MGAT4C: variants seen among roughly 807,000 people sequenced by gnomAD.
The protein encoded by MGAT4C is alpha-1,3-mannosyl-glycoprotein 4-beta-N-acetylglucosaminyltransferase C.
Under a neutral mutation model 40.1 loss-of-function variants are expected in MGAT4C, and 19 were observed. The ratio of observed to expected loss-of-function variants is 0.47; its 90% CI spans 0.33 to 0.70. MGAT4C has a LOEUF of 0.70. Ranked by LOEUF, MGAT4C falls within the 30% of genes least tolerant of loss-of-function variation. The pLI, the probability that MGAT4C is intolerant of heterozygous loss-of-function variation, is 0.02. For synonymous variants in MGAT4C, 181 were observed against 187.1 expected (o/e 0.97, Z 0.27); for missense variants, 491 against 563.2 (o/e 0.87, Z 1.30).
intron 2 of MGAT4C, among the ~76,000 whole-genome samples, chr12:86,545,458 C>G (rs1264388534): frequency 6.6e-6 from 1 of 151,636 alleles, no homozygotes; most frequent in East Asian, 1.9e-4. Flanking sequence ...TTTACATAAC[C>G]ACAGGCTATG....
intron 2 of MGAT4C, among the ~76,000 whole-genome samples, chr12:86,706,567 T>C (rs868162380): frequency 4.6e-5 from 7 of 152,068 alleles, no homozygotes; most frequent in Middle Eastern, 3.2e-3. Flanking sequence ...CTTATACTAG[T>C]TTTTATAATA....
chr12:86,063,936 C>T (rs1287692232), intron 1 of MGAT4C, among the ~76,000 whole-genome samples: 1 of 152,126 alleles, frequency 6.6e-6, no homozygotes, highest in African/African-American at 2.4e-5. Flanking sequence ...CTTAGACTCC[C>T]ACACAATAAT....
chr12:86,360,295 C>T (rs1435814413), intron 3 of MGAT4C, among the ~76,000 whole-genome samples: 1 of 152,188 alleles, frequency 6.6e-6, no homozygotes, highest in Admixed American at 6.5e-5. Flanking sequence ...GCACTTCATG[C>T]TAAAAACTCT....
intron 1 of MGAT4C, among the ~76,000 whole-genome samples, chr12:86,189,499 T>C (rs1209302721): frequency 6.6e-6 from 1 of 151,946 alleles, no homozygotes; most frequent in Non-Finnish European, 1.5e-5. Context: ...GGAAATTGAA[T>C]GACACTGAAG....
chr12:86,816,902 T>C (rs1469394582), intron 1 of MGAT4C, among the ~76,000 whole-genome samples: 1 of 151,390 alleles, frequency 6.6e-6, no homozygotes, highest in Non-Finnish European at 1.5e-5. Context: ...TATAATCCTA[T>C]ATCACTAATA....
At position 86,092,115 on chromosome 12, in the gene MGAT4C, C is replaced by G. The variant is rs548406451; in HGVS notation, c.-56-42392G>C. On this transcript the variant is annotated intron_variant, in intron 1 of 4. Coordinates refer to ENST00000611864, the MANE Select transcript of MGAT4C (RefSeq NM_001351288.2). ...AATACCTACAAAAATGTCAAGTGAC[C>G]TTTTGTTTTTCATTGCAGATCAGAA... Among the ~76,000 whole-genome samples the G allele has an allele frequency of 2.6e-5, 4 of 152,132 alleles. No homozygotes were observed. In the East Asian group the frequency reaches 5.8e-4, roughly 22 times the overall value.
intron 2 of MGAT4C, among the ~76,000 whole-genome samples, chr12:86,715,872 T>A (rs898877188): frequency 6.6e-6 from 1 of 152,162 alleles, no homozygotes; most frequent in South Asian, 2.1e-4. Flanking sequence ...TACAAAAATG[T>A]ACTTTCAAAT....
At chr12:86,753,334 T>C (rs947340746) in intron 1 of MGAT4C, among the ~76,000 whole-genome samples, 1 of 152,162 alleles carries the variant, frequency 6.6e-6, no homozygotes, top group Non-Finnish European at 1.5e-5. Flanking sequence ...GGGTGTGTTC[T>C]TGCTGCAATT....
At chr12:86,252,488 G>C (rs1269592005) in intron 1 of MGAT4C, among the ~76,000 whole-genome samples, 2 of 151,914 alleles carry the variant, frequency 1.3e-5, no homozygotes, top group Non-Finnish European at 2.9e-5. Flanking sequence ...TCTCTGAGGA[G>C]GTTGTATTTT....
chr12:86,381,806 C>T lies in MGAT4C; in HGVS notation c.-119-47679G>A, dbSNP rs112610014. On this transcript the variant is annotated intron_variant, in intron 3 of 7. Transcript: ENST00000548651. ...GACCTGGTGGGAGGTAATTGAGTCA[C>T]GGGGGCAGGTCTTTCCTGTGCTGTT... Among the ~76,000 whole-genome samples, 1,134 of 152,160 alleles carry T rather than the reference C, an allele frequency of 7.5e-3. 9 individuals are homozygous for T. Among genetic ancestry groups the T allele is most frequent in the African/African-American group, 0.02 (816 of 41,524 alleles).
intron 2 of MGAT4C, among the ~76,000 whole-genome samples, chr12:86,620,043 C>G (rs534918768): frequency 6.6e-6 from 1 of 152,066 alleles, no homozygotes; most frequent in South Asian, 2.1e-4. Context: ...GTCAGAATGA[C>G]TATTATTAAA....
At chr12:86,660,126 T>C (rs551957671) in intron 2 of MGAT4C, among the ~76,000 whole-genome samples, 2 of 152,238 alleles carry the variant, frequency 1.3e-5, no homozygotes, top group African/African-American at 4.8e-5. Context: ...AAGCAGTAAG[T>C]TGATAACTGA....
chr12:86,704,239 A>T (rs1478249299), intron 2 of MGAT4C, among the ~76,000 whole-genome samples: 3 of 152,162 alleles, frequency 2.0e-5, no homozygotes, highest in Non-Finnish European at 2.9e-5. Context: ...CCACCTTGGA[A>T]GAAAAAAGTT....
In MGAT4C at chr12:86,239,339, C is replaced by T. The variant is rs186889208; in HGVS notation, c.-57+16900G>A. Among the ~76,000 whole-genome samples, 8 of 152,070 alleles carry T rather than the reference C, an allele frequency of 5.3e-5. No homozygotes were observed. The East Asian group carries it at 1.2e-3, about 22-fold the overall frequency. On this transcript the variant is annotated intron_variant, in intron 1 of 4. Transcript: ENST00000611864. ...TTTTGCTGTAAAATGCCAAATTACA[C>T]AGAAATTTAATTTAAGGTTTAAATT...
At chr12:86,395,465 A>C (rs913612009) in intron 3 of MGAT4C, among the ~76,000 whole-genome samples, 1 of 152,184 alleles carries the variant, frequency 6.6e-6, no homozygotes, top group Non-Finnish European at 1.5e-5. Context: ...AAAATACACT[A>C]AGCGCCTCAG....
intron 2 of MGAT4C, among the ~76,000 whole-genome samples, chr12:86,559,105 CAT>C (rs1253641514): frequency 6.6e-6 from 1 of 151,734 alleles, no homozygotes; most frequent in African/African-American, 2.4e-5. Context: ...AAAAGATTAT[CAT>C]ATAATAATAA....
At chr12:86,786,545 C>A (rs1951934416) in intron 1 of MGAT4C, among the ~76,000 whole-genome samples, 1 of 151,858 alleles carries the variant, frequency 6.6e-6, no homozygotes, top group South Asian at 2.1e-4. Context: ...CACTGAATAT[C>A]CTAGGTTCGC....
At chr12:86,196,529 T>C (rs839162) in intron 1 of MGAT4C, among the ~76,000 whole-genome samples, 129,385 of 152,278 alleles carry the variant, frequency 0.85, 55,312 homozygotes, top group African/African-American at 0.93. Flanking sequence ...GAGTAGCAAC[T>C]GTGCTGCTCT....
chr12:86,655,199 C>T (rs1343452385), intron 2 of MGAT4C, among the ~76,000 whole-genome samples: 1 of 151,894 alleles, frequency 6.6e-6, no homozygotes, highest in Admixed American at 6.6e-5. Flanking sequence ...CCCCAGCCCC[C>T]AATCGGCCCG....
Sources: gnomAD v4.1 joint callset for allele counts (sites outside exome capture counted in the v4.1 genomes callset) on GRCh38, gnomAD v4.1.1 for gene constraint, MANE v1.5 for transcripts, NCBI Gene and HGNC (gene_info 2026-07-23, HGNC 2026-07-21) for gene names.